The following INPP4B variants were observed in gnomAD, a reference collection of about 807,000 sequenced individuals.
INPP4B encodes inositol polyphosphate-4-phosphatase type II B, also known as inositol polyphosphate 4-phosphatase type II.
Under a neutral mutation model 122.5 loss-of-function variants are expected in INPP4B, and 55 were observed. The ratio of observed to expected loss-of-function variants is 0.45; its 90% CI spans 0.36 to 0.56. The LOEUF is 0.56. Among genes scored for constraint, INPP4B ranks in the 20% least tolerant of loss-of-function variants. The probability of loss-of-function intolerance (pLI) is 0.00; values close to 1 mark genes in which losing one functional copy is unlikely to be tolerated. For synonymous variants in INPP4B, 403 were observed against 388.7 expected (o/e 1.04, Z -0.43); for missense variants, 1,000 against 1,097.7 (o/e 0.91, Z 1.26).
intron 11 of INPP4B, among the ~76,000 whole-genome samples, chr4:142,252,431 G>T (rs113000489): frequency 1.3e-3 from 203 of 151,876 alleles, no homozygotes; most frequent in African/African-American, 4.6e-3. Flanking sequence ...CTCGTGATCC[G>T]CCCGCCTCGG....
rs975528682 is a variant in INPP4B at position 142,145,574 on chromosome 4, G to A, written c.1720+266C>T. Among the ~76,000 whole-genome samples the A allele has an allele frequency of 3.3e-5, 5 of 151,872 alleles. No homozygotes were observed. The East Asian group carries it at 9.7e-4, about 29-fold the overall frequency. On this transcript the variant is annotated intron_variant, in intron 18 of 25. Transcript: ENST00000262992. The stretch of plus-strand genomic sequence containing the variant: ...TGTAAAGGTAGGTTAAACTATGTCA[G>A]AGCCTTAAAACACTGTTCTTTTTTC...
intron 1 of INPP4B, among the ~76,000 whole-genome samples, chr4:142,807,912 A>G (rs1779052834): frequency 6.6e-5 from 10 of 152,206 alleles, no homozygotes; most frequent in Admixed American, 6.5e-4. Flanking sequence ...TCTATGTGTT[A>G]TTCAAAATTC....
chr4:142,537,949 G>T (rs1157754431), intron 2 of INPP4B, among the ~76,000 whole-genome samples: 1 of 152,018 alleles, frequency 6.6e-6, no homozygotes, highest in Admixed American at 6.6e-5. Flanking sequence ...GTAAGCTGGA[G>T]TTCAGGATGT....
intron 2 of INPP4B, among the ~76,000 whole-genome samples, chr4:142,510,707 A>G (rs763907746): frequency 2.0e-5 from 3 of 152,152 alleles, no homozygotes; most frequent in Non-Finnish European, 2.9e-5. Flanking sequence ...TAGAGCTTCT[A>G]TTACTTGTAT....
intron 2 of INPP4B, among the ~76,000 whole-genome samples, chr4:142,529,398 T>C (rs1827317179): frequency 6.6e-6 from 1 of 152,066 alleles, no homozygotes; most frequent in African/African-American, 2.4e-5. Flanking sequence ...TGCAACTGTT[T>C]GAATGTAGTA....
intron 18 of INPP4B, among the ~76,000 whole-genome samples, chr4:142,140,503 C>T (rs757247778): frequency 1.8e-4 from 27 of 152,162 alleles, no homozygotes; most frequent in Non-Finnish European, 3.8e-4. Flanking sequence ...CTCTATGTAG[C>T]TCTGTTTTCT....
At chr4:142,516,735 G>A (rs535534494) in intron 2 of INPP4B, among the ~76,000 whole-genome samples, 6 of 152,130 alleles carry the variant, frequency 3.9e-5, no homozygotes, top group African/African-American at 1.2e-4. Context: ...TGAAAGGACA[G>A]TGAGGTCAGG....
intron 1 of INPP4B, among the ~76,000 whole-genome samples, chr4:142,734,379 A>T (rs1766515806): frequency 1.3e-5 from 2 of 152,178 alleles, no homozygotes; most frequent in African/African-American, 4.8e-5. Context: ...CTGAAAAACT[A>T]ATACACATTT....
chr4:142,135,988 G>A (rs938507321), intron 18 of INPP4B, among the ~76,000 whole-genome samples: 2 of 152,096 alleles, frequency 1.3e-5, no homozygotes, highest in African/African-American at 2.4e-5. Context: ...TAGTAGAGAC[G>A]GGGTTTCACC....
chr4:142,320,750 G>C (rs1001183341), intron 7 of INPP4B, among the ~76,000 whole-genome samples: 2 of 152,092 alleles, frequency 1.3e-5, no homozygotes, highest in Non-Finnish European at 2.9e-5. Context: ...ACTATGTTTG[G>C]TTTTCCATTC....
chr4:142,124,443 A>G (rs934597402), intron 19 of INPP4B, 145 bp downstream of exon 19: 1 of 676,278 alleles, frequency 1.5e-6, no homozygotes, highest in Non-Finnish European at 2.5e-6. Context: ...GCTGATATTT[A>G]TCGTGAATAA....
chr4:142,431,311 G>T lies in INPP4B; in HGVS notation c.-52C>A. On this transcript the variant is annotated 5_prime_UTR_variant, in exon 4 of 26. It adds an upstream start codon to the 5' untranslated region. Transcript: ENST00000262992. Reference sequence around the variant, plus strand: ...TCCAAATTTTCTTGTCCAAATGTCAGTTCTAGTGATTCCTGGTTTAATGTA... The same window carrying T: ...TCCAAATTTTCTTGTCCAAATGTCATTTCTAGTGATTCCTGGTTTAATGTA... The T allele has an allele frequency of 1.5e-6, 2 of 1,293,368 alleles. No homozygotes were observed. Among genetic ancestry groups the T allele is most frequent in the Non-Finnish European group, 2.2e-6 (2 of 891,204 alleles). The allele number at this position is 1,293,368 out of a possible 1,614,324, so 80.1% of individuals were successfully genotyped here.
chr4:142,602,796 G>A (rs1740330439), intron 2 of INPP4B, among the ~76,000 whole-genome samples: 1 of 152,190 alleles, frequency 6.6e-6, no homozygotes, highest in Non-Finnish European at 1.5e-5. Context: ...GTGGAAGAGA[G>A]TGTGGTGACT....
chr4:142,500,568 C>T (rs1254560897), intron 2 of INPP4B, among the ~76,000 whole-genome samples: 1 of 152,150 alleles, frequency 6.6e-6, no homozygotes, highest in Admixed American at 6.6e-5. Context: ...GAATAACATT[C>T]CATTGCATGT....
At chr4:142,367,413 T>C (rs1023075665) in intron 7 of INPP4B, among the ~76,000 whole-genome samples, 7 of 152,106 alleles carry the variant, frequency 4.6e-5, no homozygotes, top group African/African-American at 1.7e-4. Flanking sequence ...ACAGTAGTAA[T>C]AAAAACAATT....
chr4:142,770,998 A>G (rs1246175281), intron 1 of INPP4B, among the ~76,000 whole-genome samples: 1 of 152,156 alleles, frequency 6.6e-6, no homozygotes, highest in Non-Finnish European at 1.5e-5. Context: ...TTCTAGTTGG[A>G]AAGTGCGGGT....
At chr4:142,742,243 A>C (rs1580814897) in intron 1 of INPP4B, among the ~76,000 whole-genome samples, 1 of 152,140 alleles carries the variant, frequency 6.6e-6, no homozygotes, top group East Asian at 1.9e-4. Flanking sequence ...ATAAAAGGAT[A>C]CCAAAGGCCA....
At chr4:142,203,113 T>C (rs1841372048) in intron 14 of INPP4B, among the ~76,000 whole-genome samples, 1 of 152,138 alleles carries the variant, frequency 6.6e-6, no homozygotes, top group Non-Finnish European at 1.5e-5. Flanking sequence ...ACCCTCTTTT[T>C]ATTTTTTTGC....
At chr4:142,239,300 T>A (rs549333866) in intron 11 of INPP4B, among the ~76,000 whole-genome samples, 276 of 152,258 alleles carry the variant, frequency 1.8e-3, no homozygotes, top group Non-Finnish European at 3.4e-3. Context: ...CTAGTACATG[T>A]ACATGCGTCC....
Sources: allele counts gnomAD v4.1 joint callset (sites outside exome capture counted in the v4.1 genomes callset), GRCh38; gene constraint gnomAD v4.1.1; transcripts MANE v1.5; gene names NCBI Gene and HGNC (gene_info 2026-07-23, HGNC 2026-07-21).